The following TUT4 variants were observed in gnomAD, a reference collection of about 807,000 sequenced individuals.
TUT4 encodes terminal uridylyl transferase 4, also known as terminal uridylyltransferase 4.
TUT4 carries 36 observed loss-of-function variants against 192.2 expected under a neutral mutation model. That is an observed-to-expected ratio of 0.19 (90% confidence interval 0.14 to 0.25). The LOEUF (loss-of-function observed/expected upper bound fraction) is 0.25, where lower values mean the gene tolerates loss of function less well. TUT4 is among the 10% of genes least tolerant of loss of function. The pLI, the probability that TUT4 is intolerant of heterozygous loss-of-function variation, is 1.00. For missense variants in TUT4, 1,493 were observed against 1,957.2 expected, an observed-to-expected ratio of 0.76 and a Z score of 4.47; for synonymous variants, 618 against 666.0, an observed-to-expected ratio of 0.93 and a Z score of 1.11.
intron 20 of TUT4, among the ~76,000 whole-genome samples, chr1:52,452,956 C>A (rs1659856953): frequency 6.6e-6 from 1 of 152,066 alleles, no homozygotes; most frequent in Non-Finnish European, 1.5e-5. Context: ...ACAGATGGTG[C>A]CAGAATTGAA....
intron 1 of TUT4, among the ~76,000 whole-genome samples, chr1:52,544,467 G>A (rs1687561074): frequency 6.6e-6 from 1 of 152,114 alleles, no homozygotes; most frequent in Non-Finnish European, 1.5e-5. Context: ...AAATGGCGCT[G>A]GGAAAACTGG....
At chr1:52,493,119 T>A (rs835034) in intron 7 of TUT4, among the ~76,000 whole-genome samples, 46,769 of 152,174 alleles carry the variant, frequency 0.31, 9,194 homozygotes, top group East Asian at 0.73. Context: ...GTTTCACTTT[T>A]GCCGCCCAGG....
Position 52,488,983 on chromosome 1 carries a change from C to G in TUT4, c.1441G>C (p.Asp481His). ...AGNDMACLTTDLLTALGKIEP... is the reference protein window; with the variant it reads ...AGNDMACLTTHLLTALGKIEP... The stretch of plus-strand genomic sequence containing the variant: ...ATTTTGCCAAGGGCAGTAAGTAAAT[C>G]AGTAGTGAGACATGCCATATCGTTT... Residue 481 changes from aspartate (D) to histidine (H), a missense_variant, in exon 9 of 30, where the codon GAT (aspartate) becomes CAT (histidine). Asp to His is a moderately conservative substitution (Grantham distance 81, BLOSUM62 -1). Coordinates refer to ENST00000257177, the MANE Select transcript of TUT4 (RefSeq NM_001009881.3). The G allele has an allele frequency of 6.2e-7, 1 of 1,613,766 alleles. No homozygotes were observed. Among genetic ancestry groups the G allele is most frequent in the South Asian group, 1.1e-5 (1 of 91,032 alleles).
intron 1 of TUT4, among the ~76,000 whole-genome samples, chr1:52,534,056 A>G (rs577018773): frequency 7.2e-5 from 11 of 152,382 alleles, no homozygotes; most frequent in East Asian, 5.8e-4. Flanking sequence ...ACCCGTTATC[A>G]TAACATCCCT....
intron 20 of TUT4, among the ~76,000 whole-genome samples, chr1:52,452,291 A>G (rs1423460053): frequency 6.6e-6 from 1 of 152,202 alleles, no homozygotes; most frequent in African/African-American, 2.4e-5. Context: ...CAACTGATGT[A>G]ATTGTGATGT....
At chr1:52,443,857 C>T (rs1261926230) in intron 24 of TUT4, among the ~76,000 whole-genome samples, 2 of 152,192 alleles carry the variant, frequency 1.3e-5, no homozygotes, top group Non-Finnish European at 2.9e-5. Flanking sequence ...AGTTGGATTC[C>T]TCACAATTCT....
intron 5 of TUT4, among the ~76,000 whole-genome samples, chr1:52,496,368 A>T (rs1456994880): frequency 6.6e-6 from 1 of 152,146 alleles, no homozygotes; most frequent in Non-Finnish European, 1.5e-5. Context: ...TAAATACTTT[A>T]AAAATTCCAT....
chr1:52,490,450 T>C (rs747715158), intron 8 of TUT4, among the ~76,000 whole-genome samples: 3 of 151,858 alleles, frequency 2.0e-5, no homozygotes, highest in Non-Finnish European at 4.4e-5. Context: ...AAGTAGTACC[T>C]GCATATAAGT....
intron 4 of TUT4, among the ~76,000 whole-genome samples, chr1:52,505,140 TTGAAGAAC>T (rs1157644607): frequency 1.3e-5 from 2 of 152,198 alleles, no homozygotes; most frequent in Non-Finnish European, 2.9e-5. Context: ...TTTTAATTTG[TTGAAGAAC>T]CACCGTACTC....
chr1:52,553,268 A>C (rs1335562249), upstream of TUT4, among the ~76,000 whole-genome samples: 3 of 142,324 alleles, frequency 2.1e-5, no homozygotes, highest in Middle Eastern at 3.8e-3. Flanking sequence ...AGCTACGCGC[A>C]GAGGGAAGGG....
Position 52,525,574 on chromosome 1 carries a change from G to C in TUT4, c.707C>G (p.Ser236Trp). Residue 236 changes from serine to tryptophan, a missense_variant, in exon 2 of 30, where the codon TCG becomes TGG. Physicochemically the swap from Ser to Trp is radical, Grantham distance 177. Around this residue, in one of 7 missense-constraint regions of TUT4, gnomAD observed 437 missense variants for 577.6 expected, o/e 0.76. Transcript: ENST00000257177. Reference sequence around the variant, plus strand: ...AAAAAATGACTTACTTAAATCGTCCGATACGTCTTCAATTCCTGAAGCACT... The same window carrying C: ...AAAAAATGACTTACTTAAATCGTCCCATACGTCTTCAATTCCTGAAGCACT... ...DDSASGIEDVSDDLSKMKNDE... is the reference protein window; with the variant it reads ...DDSASGIEDVWDDLSKMKNDE... The C allele has an allele frequency of 6.2e-7, 1 of 1,607,274 alleles. No individual in the cohort carries two copies. The highest frequency in any genetic ancestry group is 1.3e-5 in the African/African-American group (1 of 74,812).
rs1400783311 is a variant in TUT4 at position 52,474,911 on chromosome 1, G to A, written c.2648C>T (p.Ser883Phe). 6.2e-7 allele frequency: 1 copy of A among 1,613,946 alleles called. No homozygotes were observed. The highest frequency in any genetic ancestry group is 8.5e-7 in the Non-Finnish European group (1 of 1,180,040). The change falls in exon 13 of 30, where the codon TCT (serine) becomes TTT (phenylalanine). Residue 883 changes from serine (S) to phenylalanine (F), a missense_variant. Physicochemically the swap from Ser to Phe is radical, Grantham distance 155 (BLOSUM62 -2). Coordinates refer to ENST00000257177, the MANE Select transcript of TUT4 (RefSeq NM_001009881.3). ...GAGGTTATCATCATCATTAAGGTCA[G>A]AAGCATCTTCTGTAGCTTTGCAGTT... The part of the protein sequence containing the change: ...SCNCKATEDA[S>F]DLNDDDNLPT...
At chr1:52,551,356 G>C (rs1298026559) in intron 1 of TUT4, among the ~76,000 whole-genome samples, 1 of 151,952 alleles carries the variant, frequency 6.6e-6, no homozygotes, top group Non-Finnish European at 1.5e-5. Flanking sequence ...TTCCACACTA[G>C]CCAAGTGAAA....
At position 52,475,497 on chromosome 1, in the gene TUT4, T is replaced by G. The variant is rs761625540; in HGVS notation, c.2062A>C (p.Asn688His). 6.2e-7 allele frequency: 1 copy of G among 1,613,918 alleles called. No homozygotes were observed. The highest frequency in any genetic ancestry group is 8.5e-7 in the Non-Finnish European group (1 of 1,179,978). ...ACATATTCGTAAACCAGCTGGCTGT[T>G]TAAGCTCCGTGCAACATTCCTCTTG... ...SVKRNVARSL[N>H]SQLVYEYVVE... Residue 688 changes from asparagine (N) to histidine (H), a missense_variant, in exon 13 of 30, where the codon AAC (asparagine) becomes CAC (histidine). Physicochemically the swap from Asn to His is moderately conservative, Grantham distance 68. This residue lies in a region of TUT4 where 437 missense variants were observed against 577.6 expected (regional missense o/e 0.76). Coordinates refer to ENST00000257177, the MANE Select transcript of TUT4 (RefSeq NM_001009881.3).
intron 3 of TUT4, 80 bp from the exon 4 acceptor site, chr1:52,509,792 A>C: frequency 1.2e-6 from 1 of 826,230 alleles, no homozygotes. Context: ...GAATAATACA[A>C]TTATGTAAGT....
In TUT4 at chr1:52,431,334, C is replaced by T; in HGVS notation, c.4390G>A (p.Ala1464Thr). 2 of 1,614,094 alleles carry T rather than the reference C, an allele frequency of 1.2e-6. No homozygotes were observed. The highest frequency in any genetic ancestry group is 1.7e-6 in the Non-Finnish European group (2 of 1,180,016). ...QPKLGPPQQG[A>T]QPPHQVQMPL... ...ATCTGGACCTGATGGGGAGGTTGGG[C>T]TCCCTGCTGAGGTGGGCCAAGCTTA... The change falls in exon 28 of 30, where the codon GCC becomes ACC. Residue 1464 changes from alanine to threonine, a missense_variant. By Grantham distance (58) the Ala-to-Thr change is moderately conservative. This residue lies in a region of TUT4 where 351 missense variants were observed against 397.8 expected (regional missense o/e 0.88). Transcript: ENST00000257177.
intron 1 of TUT4, among the ~76,000 whole-genome samples, chr1:52,537,389 G>C (rs1685226611): frequency 6.6e-6 from 1 of 151,996 alleles, no homozygotes; most frequent in Non-Finnish European, 1.5e-5. Flanking sequence ...AAAACACAAA[G>C]ATAGATATTA....
intron 4 of TUT4, among the ~76,000 whole-genome samples, chr1:52,503,696 G>A (rs1263989198): frequency 1.3e-5 from 2 of 152,052 alleles, no homozygotes; most frequent in Non-Finnish European, 2.9e-5. Flanking sequence ...TGAGACTACA[G>A]GCACCAAATC....
intron 1 of TUT4, among the ~76,000 whole-genome samples, chr1:52,551,686 G>GCGCA (rs1553243708): frequency 9.2e-5 from 14 of 151,788 alleles, no homozygotes; most frequent in African/African-American, 3.4e-4. Flanking sequence ...GCTCGCGCGC[G>GCGCA]CACACACACA....
Sources: gnomAD v4.1 joint callset for allele counts (sites outside exome capture counted in the v4.1 genomes callset) on GRCh38, gnomAD v4.1.1 for gene constraint, gnomAD v4.1.1 regional missense constraint, MANE v1.5 for transcripts, NCBI Gene and HGNC (gene_info 2026-07-23, HGNC 2026-07-21) for gene names.